The following FBLN5 variants were observed in gnomAD, a reference collection of about 807,000 sequenced individuals.
FBLN5 encodes fibulin 5.
In FBLN5, 24 loss-of-function variants were observed where a neutral mutation model predicts 61.6. The ratio of observed to expected loss-of-function variants is 0.39; its 90% CI spans 0.28 to 0.55. FBLN5 has a LOEUF of 0.55. Ranked by LOEUF, FBLN5 falls within the 20% of genes least tolerant of loss-of-function variation. The probability of loss-of-function intolerance (pLI) is 0.65; values close to 1 mark genes in which losing one functional copy is unlikely to be tolerated. For synonymous variants in FBLN5, 213 were observed against 219.8 expected, an observed-to-expected ratio of 0.97 and a Z score of 0.27; for missense variants, 470 against 594.1, an observed-to-expected ratio of 0.79 and a Z score of 2.17.
rs571804405 is a variant in FBLN5, at chr14:91,946,666, A to C, written c.17+547T>G. On this transcript the variant is annotated intron_variant, in intron 1 of 10. Coordinates refer to ENST00000342058, the MANE Select transcript of FBLN5 (RefSeq NM_006329.4). ...TTCTCCAAGACTTAAGGATTACTTA[A>C]CTGTAATTGCAATTTCCTTAAAGAA... 3.5e-6 allele frequency: 5 copies of C among 1,436,898 alleles called. No individual in the cohort carries two copies. In the East Asian group the frequency reaches 9.9e-5, roughly 28 times the overall value. 89.0% of individuals were successfully genotyped at this position (1,436,898 alleles called of 1,614,324 possible).
In FBLN5 at chr14:91,882,915, A is replaced by G. The variant is rs746201004; in HGVS notation, c.862+39T>C. The G allele has an allele frequency of 1.2e-6, 2 of 1,610,234 alleles. No homozygotes were observed. Among genetic ancestry groups the G allele is most frequent in the Non-Finnish European group, 1.7e-6 (2 of 1,177,786 alleles). ...TGAGCCCCTGAAGCAGCTCCACCTC[A>G]CACATACACCCCAGCCAGGCCCCTC... On this transcript the variant is annotated intron_variant, in intron 8 of 10. Transcript: ENST00000342058. This position sits in a 1 kb window ranked among gnomAD's most constrained non-coding sequence, Gnocchi z 4.9.
chr14:91,910,608 T>C (rs996960545), intron 4 of FBLN5, among the ~76,000 whole-genome samples: 2 of 152,180 alleles, frequency 1.3e-5, no homozygotes, highest in African/African-American at 4.8e-5. Flanking sequence ...CTGTTCCCAC[T>C]GAAAGAAATA....
chr14:91,885,533 AGCCTGGAGCTG>A (rs562421368), intron 7 of FBLN5, among the ~76,000 whole-genome samples: 7 of 152,324 alleles, frequency 4.6e-5, no homozygotes, highest in African/African-American at 1.4e-4. Flanking sequence ...GCCTGGAACC[AGCCTGGAGCTG>A]GGCCACCCTC....
At chr14:91,933,538 G>A (rs1304206982) in intron 4 of FBLN5, among the ~76,000 whole-genome samples, 2 of 152,096 alleles carry the variant, frequency 1.3e-5, no homozygotes, top group African/African-American at 4.8e-5. Flanking sequence ...AAAGTGCTGG[G>A]ATTACAGGCA....
intron 4 of FBLN5, among the ~76,000 whole-genome samples, chr14:91,923,095 T>C (rs536490381): frequency 6.6e-6 from 1 of 152,242 alleles, no homozygotes; most frequent in South Asian, 2.1e-4. Context: ...ATAAGCATCT[T>C]TGCATCCTGA....
In FBLN5 at chr14:91,877,367, TTC is replaced by T. The variant is rs1474891899; in HGVS notation, c.1185+118_1185+119del. The T allele has an allele frequency of 2.1e-5, 18 of 842,090 alleles. No individual in the cohort carries two copies. The Admixed American group carries it at 3.1e-4, about 15-fold the overall frequency. The allele number at this position is 842,090 out of a possible 1,614,324, so 52.2% of individuals were successfully genotyped here. ...GGACCTTGAACCACACCCTCCACTC[TTC>T]TCTCTGCCTACCTGTCCCCCAGCCC... On this transcript the variant is annotated intron_variant, in intron 10 of 10. Coordinates refer to ENST00000342058, the MANE Select transcript of FBLN5 (RefSeq NM_006329.4).
chr14:91,945,265 G>T (rs1191333753), intron 1 of FBLN5, among the ~76,000 whole-genome samples: 2 of 151,602 alleles, frequency 1.3e-5, no homozygotes, highest in African/African-American at 4.9e-5. Flanking sequence ...AACAAAAGCA[G>T]AGCGTTATCT....
At chr14:91,911,961 T>C (rs1038376787) in intron 4 of FBLN5, among the ~76,000 whole-genome samples, 1 of 152,240 alleles carries the variant, frequency 6.6e-6, no homozygotes, top group Non-Finnish European at 1.5e-5. Flanking sequence ...TTAAAAAGCA[T>C]TTAGGAGCAC....
intron 4 of FBLN5, among the ~76,000 whole-genome samples, chr14:91,905,845 TA>T (rs1043226319): frequency 2.6e-5 from 4 of 152,008 alleles, no homozygotes; most frequent in Non-Finnish European, 4.4e-5. Flanking sequence ...CCCAAAGTGC[TA>T]GGATTACAGG....
In FBLN5 at chr14:91,870,251, C is replaced by T. The variant is rs990555759; in HGVS notation, c.1320G>A (p.Arg440=). 2 of 1,614,102 alleles carry T rather than the reference C, an allele frequency of 1.2e-6. No individual in the cohort carries two copies. The highest frequency in any genetic ancestry group is 8.5e-7 in the Non-Finnish European group (1 of 1,180,028). Residue 440 remains arginine (R), a synonymous_variant, in exon 11 of 11, where the codon CGG becomes CGA. Coordinates refer to ENST00000342058, the MANE Select transcript of FBLN5 (RefSeq NM_006329.4). ...NFRGSSVIRL[R]IYVSQYPF ...AGAATGGGTACTGCGACACATATAT[C>T]CGCAGTCGGATCACGGAGCTGCCTC...
chr14:91,901,977 G>T (rs1391784293), intron 4 of FBLN5, among the ~76,000 whole-genome samples: 1 of 152,298 alleles, frequency 6.6e-6, no homozygotes, highest in East Asian at 1.9e-4. Context: ...GTTCTGAAAG[G>T]CCCCTTCAAG....
intron 4 of FBLN5, among the ~76,000 whole-genome samples, chr14:91,910,675 GCTC>G (rs1219501198): frequency 6.6e-6 from 1 of 152,118 alleles, no homozygotes; most frequent in East Asian, 1.9e-4. Flanking sequence ...GCCATCCTGT[GCTC>G]CTGAGAAACT....
At chr14:91,892,930 G>A (rs907523778) in intron 5 of FBLN5, among the ~76,000 whole-genome samples, 2 of 152,202 alleles carry the variant, frequency 1.3e-5, no homozygotes, top group African/African-American at 4.8e-5. Context: ...GGGCCACATG[G>A]TACCATGCTA....
At chr14:91,884,722 G>A (rs1889646504) in intron 7 of FBLN5, among the ~76,000 whole-genome samples, 1 of 152,238 alleles carries the variant, frequency 6.6e-6, no homozygotes, top group South Asian at 2.1e-4. Context: ...CGGAGCTGGG[G>A]AGCCCTGAGG....
intron 1 of FBLN5, among the ~76,000 whole-genome samples, chr14:91,944,415 A>G (rs1595352471): frequency 6.6e-6 from 1 of 152,214 alleles, no homozygotes; most frequent in African/African-American, 2.4e-5. Flanking sequence ...AACACTAAAC[A>G]TAGAATTTCC....
At chr14:91,886,015 T>C (rs956204249) in intron 7 of FBLN5, among the ~76,000 whole-genome samples, 13 of 152,050 alleles carry the variant, frequency 8.5e-5, no homozygotes, top group African/African-American at 3.1e-4. Flanking sequence ...TAGGGAGAGG[T>C]GTTCATCTGT....
chr14:91,942,767 T>C (rs949350528), intron 2 of FBLN5, 140 bp downstream of exon 2: 1 of 671,782 alleles, frequency 1.5e-6, no homozygotes, highest in Admixed American at 2.2e-5. Flanking sequence ...TGTTAACCTC[T>C]GAGAATGAAG....
intron 4 of FBLN5, among the ~76,000 whole-genome samples, chr14:91,926,465 C>T (rs1337467790): frequency 3.3e-5 from 5 of 152,150 alleles, no homozygotes; most frequent in Admixed American, 6.5e-5. Context: ...CGAAGGTACC[C>T]AGGTAGCTCT....
At chr14:91,929,188 G>A (rs1355125617) in intron 4 of FBLN5, among the ~76,000 whole-genome samples, 1 of 150,850 alleles carries the variant, frequency 6.6e-6, no homozygotes, top group African/African-American at 2.4e-5. Context: ...GGCAGATCTA[G>A]TATCTTCTAT....
Sources: allele counts gnomAD v4.1 joint callset (sites outside exome capture counted in the v4.1 genomes callset), GRCh38; gene constraint gnomAD v4.1.1; non-coding constraint Gnocchi (gnomAD v3.1); transcripts MANE v1.5; gene names NCBI Gene and HGNC (gene_info 2026-07-23, HGNC 2026-07-21).